C9orf85: variants seen among roughly 807,000 people sequenced by gnomAD.
C9orf85 encodes the protein uncharacterized protein C9orf85.
Under a neutral mutation model 14.9 loss-of-function variants are expected in C9orf85, and 16 were observed. The ratio of observed to expected loss-of-function variants is 1.08; its 90% confidence interval spans 0.73 to 1.63. The LOEUF is 1.63. C9orf85 is among the 40% of genes most tolerant of loss of function. The pLI is 0.00. For synonymous variants in C9orf85, 45 were observed against 56.8 expected, an observed-to-expected ratio of 0.79 and a Z score of 0.93; for missense variants, 172 against 186.1, an observed-to-expected ratio of 0.92 and a Z score of 0.44.
At chr9:71,934,950 G>A (rs1261877599) in intron 1 of C9orf85, among the ~76,000 whole-genome samples, 2 of 152,058 alleles carry the variant, frequency 1.3e-5, no homozygotes, top group South Asian at 2.1e-4. Context: ...TTCAAAAATG[G>A]GCAGAGGACC....
chr9:71,979,852 A>G (rs1414713768), intron 3 of C9orf85, among the ~76,000 whole-genome samples: 1 of 152,210 alleles, frequency 6.6e-6, no homozygotes, highest in Non-Finnish European at 1.5e-5. Context: ...TGAATTAGAA[A>G]AACATACTCC....
At chr9:71,985,201 C>G (rs917180565), downstream of C9orf85, 16 of 152,228 alleles carry the variant, frequency 1.1e-4, no homozygotes, top group Admixed American at 2.6e-4. Flanking sequence ...GGAGTGATCT[C>G]TTTACATAGC....
At chr9:71,962,883 C>T (rs922448401) in intron 2 of C9orf85, among the ~76,000 whole-genome samples, 2 of 152,150 alleles carry the variant, frequency 1.3e-5, no homozygotes. Context: ...TGGTGAAACC[C>T]TGTCTCTACT....
chr9:71,961,100 C>G (rs905715605), intron 2 of C9orf85, among the ~76,000 whole-genome samples: 18 of 151,350 alleles, frequency 1.2e-4, no homozygotes, highest in African/African-American at 3.9e-4. Context: ...TCAGTAGAGA[C>G]GGGATTTCTC....
intron 1 of C9orf85, among the ~76,000 whole-genome samples, chr9:71,914,219 T>C (rs1232832328): frequency 6.6e-6 from 1 of 152,234 alleles, no homozygotes; most frequent in Non-Finnish European, 1.5e-5. Context: ...CACGGTTCTC[T>C]GTAACTCCCC....
At chr9:71,929,965 CA>C (rs1828031634) in intron 1 of C9orf85, among the ~76,000 whole-genome samples, 1 of 149,838 alleles carries the variant, frequency 6.7e-6, no homozygotes, top group African/African-American at 2.5e-5. Flanking sequence ...TTCTCATCTG[CA>C]AAACGAGGAT....
chr9:71,917,659 GAATCTTGGA>G (rs1827683896), intron 1 of C9orf85, among the ~76,000 whole-genome samples: 1 of 152,164 alleles, frequency 6.6e-6, no homozygotes, highest in Admixed American at 6.5e-5. Context: ...CAAAGCAGAT[GAATCTTGGA>G]AACACTAATG....
chr9:71,950,546 A>G (rs1198196823), intron 2 of C9orf85, among the ~76,000 whole-genome samples: 1 of 151,974 alleles, frequency 6.6e-6, no homozygotes, highest in African/African-American at 2.4e-5. Context: ...TAATTTTTGT[A>G]TTTTTAGTAG....
chr9:71,918,649 T>C (rs1827715783), intron 1 of C9orf85: 2 of 323,486 alleles, frequency 6.2e-6, no homozygotes, highest in South Asian at 4.8e-5. Flanking sequence ...GCTCTGGCAT[T>C]AGATTCTCAT....
intron 1 of C9orf85, among the ~76,000 whole-genome samples, chr9:71,917,973 A>G (rs1399580813): frequency 6.6e-6 from 1 of 152,220 alleles, no homozygotes; most frequent in African/African-American, 2.4e-5. Flanking sequence ...ACTTGAGGTC[A>G]GGAGTTTGCA....
At chr9:71,968,911 C>T (rs1287948927) in intron 2 of C9orf85, among the ~76,000 whole-genome samples, 32 of 152,048 alleles carry the variant, frequency 2.1e-4, no homozygotes, top group Non-Finnish European at 8.8e-5. Flanking sequence ...GCCAGAGTGG[C>T]GGGGTGAGCA....
At chr9:71,969,875 A>T (rs185571105) in intron 2 of C9orf85, among the ~76,000 whole-genome samples, 1 of 149,566 alleles carries the variant, frequency 6.7e-6, no homozygotes, top group Non-Finnish European at 1.5e-5. Flanking sequence ...TTTTCTAGAT[A>T]TTTTCTGTTA....
intron 1 of C9orf85, among the ~76,000 whole-genome samples, chr9:71,944,530 C>T (rs553005782): frequency 6.6e-6 from 1 of 151,884 alleles, no homozygotes; most frequent in South Asian, 2.1e-4. Flanking sequence ...TAAGTTTTAA[C>T]CTTAATTACC....
At chr9:71,946,143 T>C (rs1564091458) in intron 1 of C9orf85, among the ~76,000 whole-genome samples, 1 of 152,162 alleles carries the variant, frequency 6.6e-6, no homozygotes, top group Admixed American at 6.5e-5. Flanking sequence ...ACCAAGTTAG[T>C]AGGGGGAACT....
intron 2 of C9orf85, among the ~76,000 whole-genome samples, chr9:71,963,789 G>C (rs894992580): frequency 1.3e-5 from 2 of 152,148 alleles, no homozygotes; most frequent in Admixed American, 1.3e-4. Flanking sequence ...GGCAGAGCTC[G>C]GGACCTGCAG....
chr9:71,947,464 A>G (rs1171746448), intron 2 of C9orf85, among the ~76,000 whole-genome samples: 1 of 152,162 alleles, frequency 6.6e-6, no homozygotes, highest in Non-Finnish European at 1.5e-5. Flanking sequence ...CAATTCTTAA[A>G]ACGGATCAGA....
At chr9:71,972,216 A>C (rs1362513248) in intron 3 of C9orf85, among the ~76,000 whole-genome samples, 1 of 152,150 alleles carries the variant, frequency 6.6e-6, no homozygotes, top group Admixed American at 6.5e-5. Context: ...AGCCTACTTT[A>C]GTGACAATAG....
intron 2 of C9orf85, among the ~76,000 whole-genome samples, chr9:71,947,642 TTTTC>T (rs1199796125): frequency 9.2e-5 from 14 of 152,186 alleles, no homozygotes; most frequent in Admixed American, 6.5e-4. Context: ...CCTTTTTTTT[TTTTC>T]TTTCTTTCTT....
intron 1 of C9orf85, among the ~76,000 whole-genome samples, chr9:71,940,229 A>T (rs1014103434): frequency 8.0e-5 from 12 of 149,602 alleles, no homozygotes; most frequent in South Asian, 2.1e-4. Flanking sequence ...TGAACAATTT[A>T]AAAAAAAAAG....
Sources: gnomAD v4.1 joint callset for allele counts (sites outside exome capture counted in the v4.1 genomes callset) on GRCh38, gnomAD v4.1.1 for gene constraint, MANE v1.5 for transcripts, NCBI Gene and HGNC (gene_info 2026-07-23, HGNC 2026-07-21) for gene names.